The following FREM2 variants were observed in gnomAD, a reference collection of about 807,000 sequenced individuals.
FREM2 encodes the protein FRAS1-related extracellular matrix protein 2.
FREM2 carries 119 observed loss-of-function variants against 219.9 expected under a neutral mutation model. The ratio of observed to expected loss-of-function variants is 0.54; its 90% CI spans 0.47 to 0.63. The LOEUF is 0.63. FREM2 is among the 30% of genes least tolerant of loss of function. The pLI is 0.00. For synonymous variants in FREM2, 1,562 were observed against 1,522.8 expected, an observed-to-expected ratio of 1.03 and a Z score of -0.60; for missense variants, 4,030 against 3,993.6, an observed-to-expected ratio of 1.01 and a Z score of -0.25.
chr13:38,857,661 C>T (rs138449428), intron 12 of FREM2, among the ~76,000 whole-genome samples: 2 of 152,316 alleles, frequency 1.3e-5, no homozygotes, highest in East Asian at 3.9e-4. Flanking sequence ...CTGGGCTCAG[C>T]TGCCCTCCCT....
At chr13:38,816,618 C>T (rs1875778520) in intron 6 of FREM2, among the ~76,000 whole-genome samples, 1 of 152,098 alleles carries the variant, frequency 6.6e-6, no homozygotes, top group African/African-American at 2.4e-5. Flanking sequence ...CAGCTAACAT[C>T]ATACAGAGTG....
rs777475091 is a variant in FREM2, at chr13:38,688,390, A to C, written c.1046A>C (p.Glu349Ala). 1.2e-5 allele frequency: 19 copies of C among 1,613,968 alleles called. No individual in the cohort carries two copies. In the South Asian group the frequency reaches 2.0e-4, roughly 17 times the overall value. ...TPDMLAAEDA[E>A]SPSDLLIFNL... ...GACATGCTGGCAGCCGAGGATGCTG[A>C]GTCTCCCTCTGACCTGTTGATCTTC... The change falls in exon 1 of 24, where the codon GAG (glutamate) becomes GCG (alanine). Residue 349 changes from glutamate to alanine, a missense_variant. By Grantham distance (107) the Glu-to-Ala change is moderately radical. Coordinates refer to ENST00000280481, the MANE Select transcript of FREM2 (RefSeq NM_207361.6).
At chr13:38,720,176 A>G (rs146944462) in intron 2 of FREM2, among the ~76,000 whole-genome samples, 1 of 152,310 alleles carries the variant, frequency 6.6e-6, no homozygotes, top group Non-Finnish European at 1.5e-5. Context: ...ATTTCCCTCT[A>G]ATTTAGGCTT....
intron 6 of FREM2, among the ~76,000 whole-genome samples, chr13:38,801,066 A>G (rs530859781): frequency 1.3e-5 from 2 of 152,300 alleles, no homozygotes; most frequent in East Asian, 3.9e-4. Context: ...TGACTGGATT[A>G]TTTTAAAAGA....
intron 2 of FREM2, among the ~76,000 whole-genome samples, chr13:38,727,163 T>C (rs192649081): frequency 6.6e-6 from 1 of 152,346 alleles, no homozygotes; most frequent in East Asian, 1.9e-4. Context: ...ATCATAGGTA[T>C]TTAACTTTTA....
rs565427069 is a variant in FREM2, at chr13:38,736,979, C to T, written c.5264-27325C>T. Among the ~76,000 whole-genome samples the T allele has an allele frequency of 3.0e-4, 45 of 152,178 alleles. 1 individual carries two copies. In the South Asian group the frequency reaches 8.9e-3, roughly 30 times the overall value. On this transcript the variant is annotated intron_variant, in intron 2 of 23. Transcript: ENST00000280481. Reference sequence around the variant, plus strand: ...GCTCAAATGTTCCTACCCCCTTTCCCTACTTAAACGAATTTCTCCATGTTT... The same window carrying T: ...GCTCAAATGTTCCTACCCCCTTTCCTTACTTAAACGAATTTCTCCATGTTT...
intron 4 of FREM2, among the ~76,000 whole-genome samples, chr13:38,774,697 C>T (rs1025553080): frequency 2.6e-5 from 4 of 152,066 alleles, no homozygotes; most frequent in South Asian, 2.1e-4. Context: ...AGAGCTAAGA[C>T]GTCTGATTTT....
At chr13:38,837,041 T>A (rs555712386) in intron 6 of FREM2, among the ~76,000 whole-genome samples, 58 of 152,240 alleles carry the variant, frequency 3.8e-4, no homozygotes, top group African/African-American at 1.3e-3. Flanking sequence ...GTTAGGGTGT[T>A]GATTTTAGAC....
chr13:38,755,089 T>C (rs1311129270), intron 2 of FREM2, among the ~76,000 whole-genome samples: 1 of 151,802 alleles, frequency 6.6e-6, no homozygotes. Context: ...TTTTAGTAGA[T>C]ACAGGGTTTC....
At chr13:38,766,027 A>T (rs932880364) in intron 3 of FREM2, among the ~76,000 whole-genome samples, 2 of 152,204 alleles carry the variant, frequency 1.3e-5, no homozygotes, top group Non-Finnish European at 2.9e-5. Flanking sequence ...CAAATAAATC[A>T]TGGGGAAAAT....
chr13:38,884,539 G>GT lies in FREM2; in HGVS notation c.*3756dup, dbSNP rs1200126530. 1.3e-5 allele frequency: 2 copies of GT among 152,080 alleles called. No homozygotes were observed. Among genetic ancestry groups the GT allele is most frequent in the Non-Finnish European group, 2.9e-5 (2 of 68,008 alleles). The allele number at this position is 152,080 out of a possible 1,614,324, so 9.4% of individuals were successfully genotyped here. A position where few individuals can be genotyped will look rare whatever the true frequency, so the allele number is the denominator to read the frequency against. On this transcript the variant is annotated 3_prime_UTR_variant, in exon 24 of 24. Coordinates refer to ENST00000280481, the MANE Select transcript of FREM2 (RefSeq NM_207361.6). ...AAATAATATGTTTAAAAATGTAAATGTTTTACAAATTTGAAACTTTCATAA... is the reference window on the plus strand; with the variant it reads ...AAATAATATGTTTAAAAATGTAAATGTTTTTACAAATTTGAAACTTTCATAA...
At chr13:38,874,918 G>A (rs951513150) in intron 18 of FREM2, among the ~76,000 whole-genome samples, 1 of 152,108 alleles carries the variant, frequency 6.6e-6, no homozygotes, top group Non-Finnish European at 1.5e-5. Context: ...TGTACAAATC[G>A]AATTGCAGAT....
intron 6 of FREM2, 46 bp from the exon 7 acceptor site, chr13:38,846,527 G>A (rs532200014): frequency 1.2e-6 from 2 of 1,600,186 alleles, no homozygotes; most frequent in African/African-American, 1.3e-5. Context: ...AGTTTGATGT[G>A]AAAAAATAAA....
rs1470048580 is a variant in FREM2 at position 38,688,137 on chromosome 13, C to T, written c.793C>T (p.Arg265Cys). ...CAAAGCTTTCCAGGAACTAGGCGTGCGCTATCGCCACACAGCCGCCAGTCG... is the reference window on the plus strand; with the variant it reads ...CAAAGCTTTCCAGGAACTAGGCGTGTGCTATCGCCACACAGCCGCCAGTCG... ...DCKAFQELGVRYRHTAASRSP... is the reference protein window; with the variant it reads ...DCKAFQELGVCYRHTAASRSP... The change falls in exon 1 of 24, where the codon CGC becomes TGC. Residue 265 changes from arginine (R) to cysteine (C), a missense_variant. Transcript: ENST00000280481. 2.5e-6 allele frequency: 4 copies of T among 1,613,382 alleles called. No individual in the cohort carries two copies. The highest frequency in any genetic ancestry group is 3.4e-6 in the Non-Finnish European group (4 of 1,179,842).
chr13:38,876,679 T>A (rs1878354373), intron 20 of FREM2, among the ~76,000 whole-genome samples: 1 of 152,202 alleles, frequency 6.6e-6, no homozygotes, highest in South Asian at 2.1e-4. Flanking sequence ...TTTGAGAATT[T>A]TCCCCGCACT....
chr13:38,787,359 A>G (rs1171815539), intron 6 of FREM2, among the ~76,000 whole-genome samples: 1 of 152,180 alleles, frequency 6.6e-6, no homozygotes, highest in Non-Finnish European at 1.5e-5. Flanking sequence ...TCACTACTAT[A>G]GTTTAGACAG....
chr13:38,747,838 T>C (rs1327415718), intron 2 of FREM2, among the ~76,000 whole-genome samples: 2 of 152,170 alleles, frequency 1.3e-5, no homozygotes, highest in African/African-American at 4.8e-5. Flanking sequence ...AGCCTTAAAG[T>C]TTATGTTGCA....
At chr13:38,776,169 C>A (rs564413000) in intron 4 of FREM2, among the ~76,000 whole-genome samples, 1 of 152,290 alleles carries the variant, frequency 6.6e-6, no homozygotes, top group Non-Finnish European at 1.5e-5. Flanking sequence ...ACAGACTCTG[C>A]TGTATTCAAT....
chr13:38,691,267 T>C lies in FREM2; in HGVS notation c.3923T>C (p.Ile1308Thr). Reference protein sequence around the residue: ...PVDDETPRMTINNGLEIEIGD... With the variant: ...PVDDETPRMTTNNGLEIEIGD... ...GATGATGAGACGCCCAGAATGACTA[T>C]CAATAATGGACTAGAAATAGAAATT... is the stretch of plus-strand genomic sequence containing the variant. The change falls in exon 1 of 24, where the codon ATC becomes ACC. Residue 1308 changes from isoleucine (I) to threonine (T), a missense_variant. By Grantham distance (89) the Ile-to-Thr change is moderately conservative. Around this residue, in one of 2 missense-constraint regions of FREM2, gnomAD observed 3,102 missense variants for 2,950.7 expected, o/e 1.05. Coordinates refer to ENST00000280481, the MANE Select transcript of FREM2 (RefSeq NM_207361.6). 6.2e-7 allele frequency: 1 copy of C among 1,613,806 alleles called. No homozygotes were observed. The highest frequency in any genetic ancestry group is 8.5e-7 in the Non-Finnish European group (1 of 1,179,730).
Sources: allele counts gnomAD v4.1 joint callset (sites outside exome capture counted in the v4.1 genomes callset), GRCh38; gene constraint gnomAD v4.1.1; regional missense constraint gnomAD v4.1.1; transcripts MANE v1.5; gene names NCBI Gene and HGNC (gene_info 2026-07-23, HGNC 2026-07-21).